The following SYK variants were observed in gnomAD, a reference collection of about 807,000 sequenced individuals.
SYK encodes the protein tyrosine-protein kinase SYK.
A neutral mutation model predicts 77.8 loss-of-function variants in SYK; 16 were observed. The observed-to-expected ratio is 0.21, with a 90% CI of 0.14 to 0.31. SYK has a LOEUF of 0.31. Among genes scored for constraint, SYK ranks in the 10% least tolerant of loss-of-function variants. The pLI, the probability that SYK is intolerant of heterozygous loss-of-function variation, is 1.00. For synonymous variants in SYK, 312 were observed against 308.7 expected (o/e 1.01, Z -0.11); for missense variants, 529 against 814.4 (o/e 0.65, Z 4.26).
chr9:90,841,409 G>A (rs1359225540), intron 1 of SYK, among the ~76,000 whole-genome samples: 1 of 135,508 alleles, frequency 7.4e-6, no homozygotes, highest in Non-Finnish European at 1.5e-5. Flanking sequence ...GACGTGTGCA[G>A]TGTGTGTAAG....
intron 6 of SYK, 40 bp downstream of exon 6, chr9:90,865,137 G>T (rs1350700990): frequency 6.3e-7 from 1 of 1,591,078 alleles, no homozygotes; most frequent in Admixed American, 1.7e-5. Context: ...AGAAGCTGTT[G>T]CATATTTCAC....
intron 13 of SYK, among the ~76,000 whole-genome samples, chr9:90,893,371 A>G (rs1436109388): frequency 6.6e-6 from 1 of 152,202 alleles, no homozygotes; most frequent in East Asian, 1.9e-4. Context: ...AGGTGGTCCT[A>G]GTATATTCTC....
chr9:90,838,146 G>A (rs947596428), intron 1 of SYK, among the ~76,000 whole-genome samples: 62 of 152,324 alleles, frequency 4.1e-4, no homozygotes, highest in African/African-American at 1.3e-3. Context: ...AAGGGGGGAC[G>A]TCAGATAAGC....
chr9:90,854,508 A>G (rs1235571845), intron 3 of SYK, among the ~76,000 whole-genome samples: 1 of 152,092 alleles, frequency 6.6e-6, no homozygotes, highest in African/African-American at 2.4e-5. Context: ...AGTGGGCCTG[A>G]TGTACTCCAC....
At position 90,844,105 on chromosome 9, in the gene SYK, G is replaced by T. The variant is rs1265500809; in HGVS notation, c.207G>T (p.Glu69Asp). The T allele has an allele frequency of 1.9e-6, 3 of 1,613,558 alleles. No homozygotes were observed. The East Asian group carries it at 6.7e-5, about 36-fold the overall frequency. The stretch of plus-strand genomic sequence containing the variant: ...CACACCACTACACCATCGAGCGGGA[G>T]CTGAATGGCACCTACGCCATCGCCG... ...RKAHHYTIER[E>D]LNGTYAIAGG... The change falls in exon 2 of 14, where the codon GAG becomes GAT. Residue 69 changes from glutamate (E) to aspartate (D), a missense_variant. By Grantham distance (45) the Glu-to-Asp change is conservative. This residue lies in a region of SYK where 321 missense variants were observed against 433.1 expected (regional missense o/e 0.74). Transcript: ENST00000375754.
chr9:90,825,639 A>G (rs1825645057), intron 1 of SYK, among the ~76,000 whole-genome samples: 1 of 152,234 alleles, frequency 6.6e-6, no homozygotes, highest in Non-Finnish European at 1.5e-5. Context: ...CCTGAGCTCA[A>G]AGGGTAGCCT....
intron 1 of SYK, among the ~76,000 whole-genome samples, chr9:90,827,334 C>T (rs1825697271): frequency 6.6e-6 from 1 of 152,156 alleles, no homozygotes; most frequent in African/African-American, 2.4e-5. Context: ...GGGGATCTCA[C>T]ACTTCTGCTT....
In SYK at chr9:90,845,567, T is replaced by A; in HGVS notation, c.551T>A (p.Ile184Lys). 1 of 1,614,156 alleles carries A rather than the reference T, an allele frequency of 6.2e-7. No homozygotes were observed. The highest frequency in any genetic ancestry group is 8.5e-7 in the Non-Finnish European group (1 of 1,180,008). Reference sequence around the variant, plus strand: ...GAAGAATCTGAGCAAATTGTCCTGATAGGATCAAAGACAAATGGAAAGTTC... The same window carrying A: ...GAAGAATCTGAGCAAATTGTCCTGAAAGGATCAAAGACAAATGGAAAGTTC... ...SREESEQIVLIGSKTNGKFLI... is the reference protein window; with the variant it reads ...SREESEQIVLKGSKTNGKFLI... The change falls in exon 3 of 14, where the codon ATA (isoleucine) becomes AAA (lysine). Residue 184 changes from isoleucine (I) to lysine (K), a missense_variant. Ile to Lys is a moderately radical substitution (Grantham distance 102, BLOSUM62 -3). This residue lies in a region of SYK where 321 missense variants were observed against 433.1 expected (regional missense o/e 0.74). Transcript: ENST00000375754.
chr9:90,830,581 CTTTTTTTTT>C (rs57804863), intron 1 of SYK, among the ~76,000 whole-genome samples: 3 of 111,578 alleles, frequency 2.7e-5, no homozygotes, highest in South Asian at 2.9e-4. Context: ...ACTCATTCCT[CTTTTTTTTT>C]TTTTTTTTTT....
intron 1 of SYK, among the ~76,000 whole-genome samples, chr9:90,803,180 C>T (rs1454243057): frequency 1.3e-5 from 2 of 152,070 alleles, no homozygotes; most frequent in East Asian, 3.9e-4. Flanking sequence ...TTTGTTTTAA[C>T]GTATTTAGAA....
intron 3 of SYK, among the ~76,000 whole-genome samples, chr9:90,849,797 T>C (rs751095866): frequency 1.3e-5 from 2 of 152,250 alleles, no homozygotes; most frequent in Non-Finnish European, 2.9e-5. Flanking sequence ...TCTGTTTCCT[T>C]CATTTCTTTG....
chr9:90,817,843 T>TG (rs1333219370), intron 1 of SYK, among the ~76,000 whole-genome samples: 6 of 99,082 alleles, frequency 6.1e-5, no homozygotes, highest in East Asian at 9.6e-4. Flanking sequence ...TTCTCAATAA[T>TG]GTTGTGTGTG....
chr9:90,880,143 C>A (rs1263365483), intron 11 of SYK, among the ~76,000 whole-genome samples: 7 of 152,204 alleles, frequency 4.6e-5, no homozygotes, highest in Non-Finnish European at 1.0e-4. Flanking sequence ...GTGTTTCATG[C>A]CCTGCAGTGG....
intron 10 of SYK, 135 bp downstream of exon 10, chr9:90,877,915 A>C (rs1419263800): frequency 1.4e-5 from 11 of 813,670 alleles, no homozygotes; most frequent in Admixed American, 5.5e-5. Context: ...GTCCATACTC[A>C]GGGACCTTGA....
chr9:90,884,710 T>TAC lies in SYK; in HGVS notation c.1582-3035_1582-3034dup, dbSNP rs1270275989. Among the ~76,000 whole-genome samples the TAC allele has an allele frequency of 3.7e-4, 18 of 48,878 alleles. 7 individuals carry two copies. The highest frequency in any genetic ancestry group is 6.4e-4 in the Non-Finnish European group (18 of 28,328). 32.1% of individuals were successfully genotyped at this position (48,878 alleles called of 152,430 possible). A position where few individuals can be genotyped will look rare whatever the true frequency, so the allele number is the denominator to read the frequency against. ...ATACACATATGTGTACATGTACATATACACATATACACATATGTGTACATG... is the reference window on the plus strand; with the variant it reads ...ATACACATATGTGTACATGTACATATACACACATATACACATATGTGTACATG... On this transcript the variant is annotated intron_variant, in intron 11 of 13. Coordinates refer to ENST00000375754, the MANE Select transcript of SYK (RefSeq NM_003177.7).
At chr9:90,839,842 G>A (rs1564084247) in intron 1 of SYK, among the ~76,000 whole-genome samples, 1 of 152,124 alleles carries the variant, frequency 6.6e-6, no homozygotes, top group Non-Finnish European at 1.5e-5. Context: ...TGGCTGGGAG[G>A]AAGAGCTGCA....
chr9:90,816,268 A>G (rs1564070065), intron 1 of SYK, among the ~76,000 whole-genome samples: 1 of 152,144 alleles, frequency 6.6e-6, no homozygotes, highest in Non-Finnish European at 1.5e-5. Flanking sequence ...TTTGATGTTT[A>G]TCTTACAGAG....
chr9:90,845,613 C>T lies in SYK; in HGVS notation c.578+19C>T. On this transcript the variant is annotated intron_variant, in intron 3 of 13. Coordinates refer to ENST00000375754, the MANE Select transcript of SYK (RefSeq NM_003177.7). ...AGTTCCTGTGAGTATCGTGCCTTCC[C>T]CCTCACCTCCTGCCACCAGGCCTGT... 6.2e-7 allele frequency: 1 copy of T among 1,611,024 alleles called. No homozygotes were observed. The highest frequency in any genetic ancestry group is 8.5e-7 in the Non-Finnish European group (1 of 1,178,058).
chr9:90,877,901 A>G (rs1027274388), intron 10 of SYK, 121 bp downstream of exon 10: 17 of 951,444 alleles, frequency 1.8e-5, no homozygotes, highest in Non-Finnish European at 2.5e-5. Flanking sequence ...GCCTTCCTTT[A>G]TTGGTCCATA....
Sources: gnomAD v4.1 joint callset for allele counts (sites outside exome capture counted in the v4.1 genomes callset) on GRCh38, gnomAD v4.1.1 for gene constraint, gnomAD v4.1.1 regional missense constraint, MANE v1.5 for transcripts, NCBI Gene and HGNC (gene_info 2026-07-23, HGNC 2026-07-21) for gene names.